The following SLC9C2 variants were observed in gnomAD, a reference collection of about 807,000 sequenced individuals.
SLC9C2 encodes the protein solute carrier family 9 member C2 (putative).
A neutral mutation model predicts 140.2 loss-of-function variants in SLC9C2; 75 were observed. The observed-to-expected ratio is 0.53, with a 90% CI of 0.44 to 0.65. The LOEUF (loss-of-function observed/expected upper bound fraction) is 0.65. Among genes scored for constraint, SLC9C2 ranks in the 30% least tolerant of loss-of-function variants. The pLI, the probability that SLC9C2 is intolerant of heterozygous loss-of-function variation, is 0.00. For missense variants in SLC9C2, 1,074 were observed against 1,331.8 expected (o/e 0.81, Z 3.01); for synonymous variants, 375 against 420.9 (o/e 0.89, Z 1.34).
intron 8 of SLC9C2, 89 bp downstream of exon 8, chr1:173,576,572 A>G: frequency 1.4e-6 from 1 of 736,130 alleles, no homozygotes; most frequent in Non-Finnish European, 2.2e-6. Context: ...AGGTTATGGA[A>G]AAAGAGTTTT....
At chr1:173,556,698 C>A (rs568823769) in intron 10 of SLC9C2, among the ~76,000 whole-genome samples, 1 of 152,052 alleles carries the variant, frequency 6.6e-6, no homozygotes, top group Non-Finnish European at 1.5e-5. Context: ...AGGTGGATCA[C>A]CTGAGGCCAA....
intron 11 of SLC9C2, among the ~76,000 whole-genome samples, chr1:173,554,507 A>G (rs1056163509): frequency 9.4e-5 from 14 of 149,514 alleles, no homozygotes; most frequent in Admixed American, 2.7e-4. Flanking sequence ...TGGTGGAGGG[A>G]AAAAAAAACC....
chr1:173,531,852 G>A (rs554054135), intron 17 of SLC9C2, among the ~76,000 whole-genome samples: 4 of 152,100 alleles, frequency 2.6e-5, no homozygotes, highest in African/African-American at 4.8e-5. Context: ...ACCTGCATAC[G>A]ATTTCTGTAT....
intron 23 of SLC9C2, among the ~76,000 whole-genome samples, chr1:173,512,359 G>A (rs1660115221): frequency 6.6e-6 from 1 of 152,022 alleles, no homozygotes; most frequent in Admixed American, 6.6e-5. Context: ...CCTTGAAAAG[G>A]TCCTTCACAT....
chr1:173,512,968 T>A (rs1412926179), intron 23 of SLC9C2, among the ~76,000 whole-genome samples: 4 of 152,264 alleles, frequency 2.6e-5, no homozygotes. Flanking sequence ...TTTGCATATG[T>A]TGAACCAGTC....
chr1:173,569,777 C>T (rs112786050), intron 9 of SLC9C2, among the ~76,000 whole-genome samples: 1,838 of 152,220 alleles, frequency 0.012, 11 homozygotes, highest in Non-Finnish European at 0.018. Flanking sequence ...CAGCAAGACC[C>T]TGTCCCAAAA....
chr1:173,537,174 T>C (rs748498486), intron 13 of SLC9C2, 135 bp from the exon 14 acceptor site: 29 of 651,340 alleles, frequency 4.5e-5, no homozygotes, highest in Non-Finnish European at 6.2e-5. Context: ...AATTATGTAG[T>C]AGGAAATAAA....
At chr1:173,523,739 C>T (rs73027303) in intron 21 of SLC9C2, among the ~76,000 whole-genome samples, 5,326 of 152,298 alleles carry the variant, frequency 0.035, 310 homozygotes, top group African/African-American at 0.12. Flanking sequence ...TGGTAATAGT[C>T]AGACACATAT....
intron 25 of SLC9C2, among the ~76,000 whole-genome samples, chr1:173,505,577 TC>T (rs755096278): frequency 2.6e-5 from 4 of 152,224 alleles, no homozygotes; most frequent in Admixed American, 2.6e-4. Flanking sequence ...GGCTGGAAAT[TC>T]CCAGTTTGGA....
At chr1:173,502,608 C>G (rs1281456547) in intron 27 of SLC9C2, among the ~76,000 whole-genome samples, 1 of 152,184 alleles carries the variant, frequency 6.6e-6, no homozygotes, top group African/African-American at 2.4e-5. Context: ...TTCCAGCCTT[C>G]TCAAACTTCT....
chr1:173,582,880 C>T (rs1168609146), intron 6 of SLC9C2, among the ~76,000 whole-genome samples: 1 of 152,194 alleles, frequency 6.6e-6, no homozygotes, highest in Admixed American at 6.5e-5. Context: ...TCTTAGCACT[C>T]AGTCACTGAG....
chr1:173,545,652 G>C, intron 13 of SLC9C2, among the ~76,000 whole-genome samples: 1 of 152,164 alleles, frequency 6.6e-6, no homozygotes, highest in East Asian at 1.9e-4. Context: ...TAAGATACTG[G>C]ACTTTGAGTC....
Position 173,517,641 on chromosome 1 carries a change from C to T in SLC9C2, c.2803G>A (p.Asp935Asn). 6.2e-7 allele frequency: 1 copy of T among 1,613,944 alleles called. No individual in the cohort carries two copies. Among genetic ancestry groups the T allele is most frequent in the Non-Finnish European group, 8.5e-7 (1 of 1,179,964 alleles). Residue 935 changes from aspartate (D) to asparagine (N), a missense_variant, in exon 23 of 28, where the codon GAC becomes AAC. Coordinates refer to ENST00000367714, the MANE Select transcript of SLC9C2 (RefSeq NM_178527.4). Reference protein sequence around the residue: ...SNQRCDRGSRDMFTEFCTTGD... With the variant: ...SNQRCDRGSRNMFTEFCTTGD... ...GTAGTACAGAACTCTGTAAACATGT[C>T]TCTGGACCCTCTATCACACCTTTGA...
intron 10 of SLC9C2, chr1:173,555,130 G>A: frequency 5.3e-6 from 1 of 187,736 alleles, no homozygotes; most frequent in Non-Finnish European, 1.1e-5. Context: ...CACGGTGGTA[G>A]CCATCTCAGG....
chr1:173,598,055 G>T, intron 3 of SLC9C2, 23 bp from the exon 4 acceptor site: 2 of 1,562,396 alleles, frequency 1.3e-6, no homozygotes, highest in Non-Finnish European at 1.7e-6. Flanking sequence ...AGGCAAACAA[G>T]AAATTAGTTT....
In SLC9C2 at chr1:173,500,849, T is replaced by C. The variant is rs1157403673; in HGVS notation, c.*245A>G. 1 of 289,418 alleles carries C rather than the reference T, an allele frequency of 3.5e-6. No individual in the cohort carries two copies. Among genetic ancestry groups the C allele is most frequent in the African/African-American group, 2.2e-5 (1 of 45,936 alleles). 17.9% of individuals were successfully genotyped at this position (289,418 alleles called of 1,614,324 possible). ...AGGACATATGTTTCAGTGTATTTTA[T>C]ATTATCCTGAAGACTTTTTTAACAT... is the stretch of plus-strand genomic sequence containing the variant. On this transcript the variant is annotated 3_prime_UTR_variant, in exon 28 of 28. Transcript: ENST00000367714.
At chr1:173,536,855 T>A (rs1661998102) in intron 14 of SLC9C2, 87 bp downstream of exon 14, 9 of 927,082 alleles carry the variant, frequency 9.7e-6, no homozygotes, top group Admixed American at 5.6e-5. Flanking sequence ...GATTGATCAA[T>A]CAGGACATTT....
chr1:173,586,617 A>T (rs1423305467), intron 5 of SLC9C2, among the ~76,000 whole-genome samples: 4 of 152,206 alleles, frequency 2.6e-5, no homozygotes, highest in Non-Finnish European at 4.4e-5. Context: ...TAGCAAAGAC[A>T]TGGAACCAAC....
chr1:173,531,895 C>G (rs1361864918), intron 17 of SLC9C2, among the ~76,000 whole-genome samples: 1 of 152,190 alleles, frequency 6.6e-6, no homozygotes, highest in Non-Finnish European at 1.5e-5. Context: ...CTCCTACCTT[C>G]CATTTTAAGT....
Sources: gnomAD v4.1 joint callset for allele counts (sites outside exome capture counted in the v4.1 genomes callset) on GRCh38, gnomAD v4.1.1 for gene constraint, MANE v1.5 for transcripts, NCBI Gene and HGNC (gene_info 2026-07-23, HGNC 2026-07-21) for gene names.